Variants in TOGARAM2 observed in about 807,000 individuals in gnomAD.
TOGARAM2 encodes the protein TOG array regulator of axonemal microtubules 2, also known as TOG array regulator of axonemal microtubules protein 2.
Under a neutral mutation model 93.3 loss-of-function variants are expected in TOGARAM2, and 85 were observed. That is an observed-to-expected ratio of 0.91 (90% CI 0.76 to 1.09). The LOEUF (loss-of-function observed/expected upper bound fraction) is 1.09. Ranked by LOEUF, TOGARAM2 falls within the 50% of genes least tolerant of loss-of-function variation. The pLI, the probability that TOGARAM2 is intolerant of heterozygous loss-of-function variation, is 0.00. For missense variants in TOGARAM2, 1,277 were observed against 1,334.5 expected, an observed-to-expected ratio of 0.96 and a Z score of 0.67; for synonymous variants, 593 against 552.8, an observed-to-expected ratio of 1.07 and a Z score of -1.02.
intron 19 of TOGARAM2, chr2:29,045,675 A>C: frequency 4.4e-6 from 2 of 450,924 alleles, no homozygotes; most frequent in South Asian, 2.4e-5. Context: ...CCTAATCAGA[A>C]AATTAGAAAT....
chr2:29,039,490 C>CCCCCAAG (rs1666309165), intron 18 of TOGARAM2, among the ~76,000 whole-genome samples: 1 of 152,134 alleles, frequency 6.6e-6, no homozygotes, highest in South Asian at 2.1e-4. Context: ...TTGGGGGGAC[C>CCCCCAAG]TTCTAGAACT....
chr2:29,008,972 G>A (rs1451063576), intron 6 of TOGARAM2, among the ~76,000 whole-genome samples: 2 of 152,176 alleles, frequency 1.3e-5, no homozygotes, highest in Admixed American at 1.3e-4. Flanking sequence ...GGGGATGGAG[G>A]CTCTATTACC....
At chr2:29,041,027 T>A (rs1055670196) in intron 18 of TOGARAM2, among the ~76,000 whole-genome samples, 7 of 85,686 alleles carry the variant, frequency 8.2e-5, no homozygotes, top group Non-Finnish European at 2.3e-4. Context: ...TTGAGTCACT[T>A]TTTTTTTTTT....
At chr2:29,029,654 G>C (rs1040852442) in intron 14 of TOGARAM2, among the ~76,000 whole-genome samples, 2 of 148,884 alleles carry the variant, frequency 1.3e-5, no homozygotes, top group Non-Finnish European at 3.0e-5. Flanking sequence ...TACTCAGGAG[G>C]CTGAGGCAGG....
chr2:29,003,758 G>A (rs1241928025), intron 6 of TOGARAM2, 76 bp downstream of exon 6: 3 of 1,299,570 alleles, frequency 2.3e-6, no homozygotes, highest in Admixed American at 3.5e-5. Context: ...GGCTCCTTGT[G>A]GCTGACCCTC....
chr2:28,969,812 C>CTTTTTT (rs66931912), intron 1 of TOGARAM2, among the ~76,000 whole-genome samples: 1 of 127,872 alleles, frequency 7.8e-6, no homozygotes, highest in Non-Finnish European at 1.6e-5. Context: ...GGTTGTCTTC[C>CTTTTTT]TTTTTTTTTT....
chr2:29,042,692 G>A (rs1436201552), intron 18 of TOGARAM2, among the ~76,000 whole-genome samples: 1 of 152,204 alleles, frequency 6.6e-6, no homozygotes, highest in Non-Finnish European at 1.5e-5. Context: ...TTCAGGGTCA[G>A]CAGCTTAACT....
At position 29,024,493 on chromosome 2, in the gene TOGARAM2, A is replaced by G. The variant is rs1411350208; in HGVS notation, c.1853+119A>G. 4.8e-6 allele frequency: 4 copies of G among 826,380 alleles called. No homozygotes were observed. In the African/African-American group the frequency reaches 6.8e-5, roughly 14 times the overall value. 51.2% of individuals were successfully genotyped at this position (826,380 alleles called of 1,614,324 possible). On this transcript the variant is annotated intron_variant, in intron 13 of 19. Transcript: ENST00000379558. ...CAGGGAGGGAGGGAGGGAAGCAGGC[A>G]AGTGAGGCTGCAGGGGGTCCCTTGA...
chr2:29,019,729 T>TA (rs889555195), intron 10 of TOGARAM2, among the ~76,000 whole-genome samples: 1 of 152,216 alleles, frequency 6.6e-6, no homozygotes, highest in African/African-American at 2.4e-5. Context: ...ATTCTCCTCT[T>TA]ACAACCATCC....
chr2:29,004,099 G>A (rs753696450), intron 6 of TOGARAM2, among the ~76,000 whole-genome samples: 2 of 152,134 alleles, frequency 1.3e-5, no homozygotes, highest in African/African-American at 2.4e-5. Flanking sequence ...GGGTTCAAGC[G>A]ATTCTCCTGA....
intron 1 of TOGARAM2, among the ~76,000 whole-genome samples, chr2:28,961,738 A>G (rs1460852036): frequency 6.6e-6 from 1 of 152,236 alleles, no homozygotes; most frequent in Non-Finnish European, 1.5e-5. Flanking sequence ...CAATCCAGAT[A>G]CAGAAGATTT....
chr2:29,020,114 A>G (rs1664841623), intron 10 of TOGARAM2, among the ~76,000 whole-genome samples: 2 of 152,186 alleles, frequency 1.3e-5, no homozygotes, highest in African/African-American at 4.8e-5. Flanking sequence ...GTTGGACAGC[A>G]CAATCTAAGC....
Position 29,022,289 on chromosome 2 carries a change from T to G in TOGARAM2, c.1492T>G (p.Cys498Gly). The change falls in exon 11 of 20, where the codon TGC becomes GGC. Residue 498 changes from cysteine to glycine, a missense_variant. Physicochemically the swap from Cys to Gly is radical, Grantham distance 159 (BLOSUM62 -3). Transcript: ENST00000379558. ...PELGLRDALQCLNSSDWQMKE... is the reference protein window; with the variant it reads ...PELGLRDALQGLNSSDWQMKE... The stretch of plus-strand genomic sequence containing the variant: ...GCTGGGGCTGAGGGATGCACTCCAG[T>G]GCCTCAACAGCAGTGACTGGTGAGG... 1 of 1,613,972 alleles carries G rather than the reference T, an allele frequency of 6.2e-7. No individual in the cohort carries two copies. Among genetic ancestry groups the G allele is most frequent in the African/African-American group, 1.3e-5 (1 of 75,052 alleles).
chr2:29,020,783 A>T (rs1358553212), intron 10 of TOGARAM2, among the ~76,000 whole-genome samples: 3 of 152,146 alleles, frequency 2.0e-5, no homozygotes. Context: ...AAGGATGGGG[A>T]GGTTGGATAT....
At chr2:29,030,468 A>G (rs1452241695) in intron 14 of TOGARAM2, among the ~76,000 whole-genome samples, 1 of 152,138 alleles carries the variant, frequency 6.6e-6, no homozygotes, top group Non-Finnish European at 1.5e-5. Flanking sequence ...AACGAAAAAA[A>G]AAAGGACGTA....
chr2:29,018,012 T>C, intron 10 of TOGARAM2, 56 bp downstream of exon 10: 1 of 1,510,076 alleles, frequency 6.6e-7, no homozygotes, highest in Non-Finnish European at 8.9e-7. Flanking sequence ...TGCCTCAGGA[T>C]GCCCTGAGGC....
intron 18 of TOGARAM2, among the ~76,000 whole-genome samples, chr2:29,040,418 G>A (rs1180828301): frequency 6.6e-6 from 1 of 152,188 alleles, no homozygotes; most frequent in Non-Finnish European, 1.5e-5. Context: ...TTAACATTTG[G>A]CATTTTTTTG....
Position 29,008,139 on chromosome 2 carries a change from G to T in TOGARAM2, c.831-3316G>T, listed in dbSNP as rs142157374. On this transcript the variant is annotated intron_variant, in intron 6 of 19. Transcript: ENST00000379558. ...TTTATTTATTTTGTTTTATTTATTT[G>T]TTTTTTATTTTTTATTGTTATTATT... Among the ~76,000 whole-genome samples the T allele has an allele frequency of 4.0e-5, 6 of 151,766 alleles. No homozygotes were observed. The East Asian group carries it at 1.2e-3, about 29-fold the overall frequency.
At chr2:29,003,408 C>A in intron 5 of TOGARAM2, 84 bp from the exon 6 acceptor site, 1 of 1,215,088 alleles carries the variant, frequency 8.2e-7, no homozygotes, top group Non-Finnish European at 1.1e-6. Context: ...ACAGCAGGTC[C>A]CACACTGTGT....
Sources: allele counts gnomAD v4.1 joint callset (sites outside exome capture counted in the v4.1 genomes callset), GRCh38; gene constraint gnomAD v4.1.1; transcripts MANE v1.5; gene names NCBI Gene and HGNC (gene_info 2026-07-23, HGNC 2026-07-21).